AGMO: variants seen among roughly 807,000 people sequenced by gnomAD.
The protein encoded by AGMO is alkylglycerol monooxygenase, also known as glyceryl-ether monooxygenase.
In AGMO, 75 loss-of-function variants were observed where a neutral mutation model predicts 60.2. That is an observed-to-expected ratio of 1.25 (90% confidence interval 1.03 to 1.51). The LOEUF (loss-of-function observed/expected upper bound fraction) is 1.51, where lower values mean the gene tolerates loss of function less well. Ranked by LOEUF, AGMO falls within the 40% of genes most tolerant of loss-of-function variation. AGMO has a pLI of 0.00. For missense variants in AGMO, 763 were observed against 525.5 expected, an observed-to-expected ratio of 1.45 and a Z score of -4.42; for synonymous variants, 261 against 177.1, an observed-to-expected ratio of 1.47 and a Z score of -3.76.
At chr7:15,135,871 T>C in the AGMO span, among the ~76,000 whole-genome samples, 1 of 151,878 alleles carries the variant, frequency 6.6e-6, no homozygotes, top group Non-Finnish European at 1.5e-5. Flanking sequence ...TTTCTTCAAA[T>C]ACTTGCTACT....
chr7:15,464,506 C>T (rs1782228404), intron 3 of AGMO, among the ~76,000 whole-genome samples: 1 of 152,124 alleles, frequency 6.6e-6, no homozygotes, highest in South Asian at 2.1e-4. Context: ...TACTTAATTC[C>T]TCTGGTAGTT....
intron 3 of AGMO, among the ~76,000 whole-genome samples, chr7:15,443,856 C>T (rs1781630504): frequency 1.3e-5 from 2 of 152,152 alleles, no homozygotes; most frequent in Admixed American, 1.3e-4. Flanking sequence ...GCTTTTTGAA[C>T]ACTCTCAGCA....
chr7:15,230,452 G>A (rs1782227038), intron 12 of AGMO, among the ~76,000 whole-genome samples: 1 of 152,090 alleles, frequency 6.6e-6, no homozygotes, highest in East Asian at 1.9e-4. Flanking sequence ...CCTATGTCAG[G>A]GACCTGTCCT....
intron 10 of AGMO, among the ~76,000 whole-genome samples, chr7:15,381,625 A>G (rs1358440691): frequency 1.3e-5 from 2 of 152,110 alleles, no homozygotes; most frequent in Admixed American, 1.3e-4. Flanking sequence ...GAATTCCTCA[A>G]AGACAAAGAC....
the AGMO span, among the ~76,000 whole-genome samples, chr7:15,171,598 G>T: frequency 6.6e-6 from 1 of 152,108 alleles, no homozygotes; most frequent in African/African-American, 2.4e-5. Context: ...ATTTAGTGAT[G>T]TGTAATATAT....
Position 15,439,452 on chromosome 7 carries a change from C to T in AGMO, c.410-8344G>A, listed in dbSNP as rs556874638. On this transcript the variant is annotated intron_variant, in intron 3 of 12. Transcript: ENST00000342526. ...TATCCTGCAGCTTTTTCCTCCCTCCCTTCTTTCTGCTACCTTGAATCATTC... is the reference window on the plus strand; with the variant it reads ...TATCCTGCAGCTTTTTCCTCCCTCCTTTCTTTCTGCTACCTTGAATCATTC... 2.0e-5 allele frequency among the ~76,000 whole-genome samples: 3 copies of T among 152,250 alleles called. No homozygotes were observed. In the South Asian group the frequency reaches 6.2e-4, roughly 32 times the overall value.
At chr7:15,423,037 A>C (rs1347637940) in intron 4 of AGMO, among the ~76,000 whole-genome samples, 1 of 152,200 alleles carries the variant, frequency 6.6e-6, no homozygotes, top group South Asian at 2.1e-4. Flanking sequence ...AAACAGCGTA[A>C]AATTACTTTT....
At chr7:15,179,848 C>T in the AGMO span, among the ~76,000 whole-genome samples, 1 of 152,170 alleles carries the variant, frequency 6.6e-6, no homozygotes, top group South Asian at 2.1e-4. Context: ...TAGACACTGC[C>T]ATGGCTTTTA....
chr7:15,210,554 T>C (rs1381023787), intron 12 of AGMO, among the ~76,000 whole-genome samples: 3 of 152,108 alleles, frequency 2.0e-5, no homozygotes, highest in Non-Finnish European at 2.9e-5. Flanking sequence ...ATATTTGACA[T>C]ACTAGAATAA....
At chr7:15,483,861 C>T (rs568227038) in intron 3 of AGMO, among the ~76,000 whole-genome samples, 2 of 151,974 alleles carry the variant, frequency 1.3e-5, no homozygotes, top group South Asian at 4.2e-4. Context: ...TTCAGGGGAC[C>T]ATTCCAACAA....
chr7:15,181,574 T>C, the AGMO span, among the ~76,000 whole-genome samples: 2 of 152,200 alleles, frequency 1.3e-5, no homozygotes, highest in Non-Finnish European at 1.5e-5. Context: ...TTGCTCTTAA[T>C]GCAATAGGTT....
At chr7:15,383,610 T>C (rs28671116) in intron 10 of AGMO, among the ~76,000 whole-genome samples, 30,589 of 152,078 alleles carry the variant, frequency 0.2, 3,298 homozygotes, top group African/African-American at 0.26. Flanking sequence ...AGGTCTTATA[T>C]TGAAATTATT....
chr7:15,263,325 A>G (rs1783332366), intron 12 of AGMO, among the ~76,000 whole-genome samples: 1 of 152,144 alleles, frequency 6.6e-6, no homozygotes, highest in Non-Finnish European at 1.5e-5. Flanking sequence ...ATATAGAAAA[A>G]AAATGTTCAA....
intron 8 of AGMO, 88 bp downstream of exon 8, chr7:15,390,583 T>G: frequency 9.1e-7 from 1 of 1,103,560 alleles, no homozygotes; most frequent in Non-Finnish European, 1.3e-6. Context: ...TGTAATATAC[T>G]TTCACTTTTC....
At chr7:15,396,003 C>G (rs1166217704) in intron 5 of AGMO, 1 of 151,898 alleles carries the variant, frequency 6.6e-6, no homozygotes, top group Non-Finnish European at 1.5e-5. Flanking sequence ...GGACAGGAGC[C>G]ATCATCATCA....
intron 12 of AGMO, among the ~76,000 whole-genome samples, chr7:15,355,824 A>G (rs1045644985): frequency 6.6e-6 from 1 of 152,180 alleles, no homozygotes; most frequent in Non-Finnish European, 1.5e-5. Flanking sequence ...GACAAACTAC[A>G]ACCTGGGAGA....
At chr7:15,244,341 C>T (rs1172582171) in intron 12 of AGMO, among the ~76,000 whole-genome samples, 1 of 152,036 alleles carries the variant, frequency 6.6e-6, no homozygotes, top group Non-Finnish European at 1.5e-5. Context: ...TATGAACATT[C>T]TCTCCCTTTT....
intron 12 of AGMO, among the ~76,000 whole-genome samples, chr7:15,274,334 T>C (rs1334805530): frequency 6.6e-6 from 1 of 152,194 alleles, no homozygotes; most frequent in Non-Finnish European, 1.5e-5. Flanking sequence ...TGAAGGGCTG[T>C]TGAATGTTGT....
At chr7:15,515,251 T>C (rs2128532410) in intron 3 of AGMO, among the ~76,000 whole-genome samples, 1 of 152,356 alleles carries the variant, frequency 6.6e-6, no homozygotes, top group South Asian at 2.1e-4. Context: ...ACTGACAACT[T>C]TCTCTTTAGT....
Sources: allele counts gnomAD v4.1 joint callset (sites outside exome capture counted in the v4.1 genomes callset), GRCh38; gene constraint gnomAD v4.1.1; transcripts MANE v1.5; gene names NCBI Gene and HGNC (gene_info 2026-07-23, HGNC 2026-07-21).